PDE1C: variants seen among roughly 807,000 people sequenced by gnomAD.
PDE1C encodes dual specificity calcium/calmodulin-dependent 3',5'-cyclic nucleotide phosphodiesterase 1C.
In PDE1C, 62 loss-of-function variants were observed where a neutral mutation model predicts 93.1. The observed-to-expected ratio is 0.67, with a 90% CI of 0.54 to 0.82. The LOEUF (loss-of-function observed/expected upper bound fraction) is 0.82. Among genes scored for constraint, PDE1C ranks in the 40% least tolerant of loss-of-function variants. The probability of loss-of-function intolerance (pLI) is 0.00; values close to 1 mark genes in which losing one functional copy is unlikely to be tolerated. For missense variants in PDE1C, 742 were observed against 884.6 expected (o/e 0.84, Z 2.04); for synonymous variants, 325 against 310.1 (o/e 1.05, Z -0.50).
At chr7:32,135,011 C>T (rs914050822) in intron 3 of PDE1C, among the ~76,000 whole-genome samples, 11 of 152,096 alleles carry the variant, frequency 7.2e-5, no homozygotes, top group Non-Finnish European at 1.3e-4. Flanking sequence ...TAAGATTTGA[C>T]AGCATGGGAA....
At chr7:31,739,633 A>C in the PDE1C span, among the ~76,000 whole-genome samples, 1 of 152,290 alleles carries the variant, frequency 6.6e-6, no homozygotes, top group South Asian at 2.1e-4. Flanking sequence ...CTACAGAATA[A>C]GTTCAATAAT....
chr7:31,986,388 C>T (rs1783398695), intron 2 of PDE1C, among the ~76,000 whole-genome samples: 1 of 152,140 alleles, frequency 6.6e-6, no homozygotes, highest in Non-Finnish European at 1.5e-5. Context: ...CTCATGTTGA[C>T]TAGTTATATC....
chr7:31,891,583 C>T (rs927309461), intron 2 of PDE1C, among the ~76,000 whole-genome samples: 1 of 151,910 alleles, frequency 6.6e-6, no homozygotes, highest in African/African-American at 2.4e-5. Context: ...AAAGCCAATC[C>T]CAAAAGGTTA....
intron 2 of PDE1C, among the ~76,000 whole-genome samples, chr7:32,043,335 C>G (rs1399278611): frequency 6.6e-6 from 1 of 152,164 alleles, no homozygotes; most frequent in African/African-American, 2.4e-5. Context: ...AATTGTGCCT[C>G]TTAGCATTGA....
chr7:32,147,264 GA>G (rs1439376678), intron 3 of PDE1C, among the ~76,000 whole-genome samples: 1 of 71,062 alleles, frequency 1.4e-5, no homozygotes, highest in Non-Finnish European at 2.8e-5. Context: ...AAGAAAGAAA[GA>G]AAGAAAAAAA....
intron 1 of PDE1C, among the ~76,000 whole-genome samples, chr7:32,343,887 C>T (rs1020454536): frequency 2.6e-5 from 4 of 152,094 alleles, no homozygotes; most frequent in African/African-American, 4.8e-5. Context: ...CTTTTATTAT[C>T]CACACAGTAT....
intron 1 of PDE1C, among the ~76,000 whole-genome samples, chr7:32,418,458 G>A (rs1785320947): frequency 6.6e-6 from 1 of 152,086 alleles, no homozygotes. Flanking sequence ...CTCAATAAAT[G>A]TTAACGTCTA....
intron 2 of PDE1C, among the ~76,000 whole-genome samples, chr7:32,046,195 A>G (rs1340943987): frequency 6.7e-6 from 1 of 148,608 alleles, no homozygotes; most frequent in African/African-American, 2.6e-5. Flanking sequence ...AATATTTTTG[A>G]GCCATTTGCC....
the PDE1C span, among the ~76,000 whole-genome samples, chr7:31,636,605 G>A: frequency 5.3e-5 from 8 of 152,136 alleles, no homozygotes; most frequent in Admixed American, 5.2e-4. Context: ...TAGTCTGGGA[G>A]TGGGAGTGAG....
At chr7:31,639,860 GCT>G in the PDE1C span, among the ~76,000 whole-genome samples, 1 of 152,062 alleles carries the variant, frequency 6.6e-6, no homozygotes, top group Non-Finnish European at 1.5e-5. Flanking sequence ...ATGTTTTAAT[GCT>G]CTTTCTTAAT....
intron 2 of PDE1C, among the ~76,000 whole-genome samples, chr7:31,932,873 T>G (rs564353563): frequency 6.6e-6 from 1 of 152,278 alleles, no homozygotes; most frequent in Admixed American, 6.5e-5. Context: ...CACCATGGAA[T>G]ACTATGCAGC....
At chr7:31,686,404 A>T in the PDE1C span, among the ~76,000 whole-genome samples, 1 of 152,164 alleles carries the variant, frequency 6.6e-6, no homozygotes, top group Non-Finnish European at 1.5e-5. Context: ...GTGCCTACGT[A>T]TTCCTAATAT....
chr7:32,256,960 C>T (rs1396154128), intron 1 of PDE1C, among the ~76,000 whole-genome samples: 3 of 152,126 alleles, frequency 2.0e-5, no homozygotes, highest in Non-Finnish European at 4.4e-5. Flanking sequence ...AGGTTGATCC[C>T]GGGGAAGCAG....
intron 14 of PDE1C, among the ~76,000 whole-genome samples, chr7:31,817,462 G>A (rs1788410465): frequency 6.6e-6 from 1 of 152,110 alleles, no homozygotes. Flanking sequence ...GGCTTTGGAG[G>A]CAATGAGGTG....
At chr7:31,632,011 T>C in the PDE1C span, among the ~76,000 whole-genome samples, 4 of 152,176 alleles carry the variant, frequency 2.6e-5, no homozygotes, top group Non-Finnish European at 5.9e-5. Flanking sequence ...CTGTTAGGAA[T>C]GAAGGCTTCC....
intron 1 of PDE1C, among the ~76,000 whole-genome samples, chr7:32,362,313 G>A (rs1280096893): frequency 1.3e-5 from 2 of 151,994 alleles, no homozygotes; most frequent in Non-Finnish European, 2.9e-5. Context: ...CTTTCTTCAG[G>A]GGGTGTCCTA....
rs868655620 is a variant in PDE1C, at chr7:32,327,789, A to G, written c.310+100033T>C. ...TGTCTCAAAAAAAAAAAAAAAAAAA[A>G]AGAGAATCATGTAGTGTGGCTTCTT... On this transcript the variant is annotated intron_variant, in intron 1 of 1. Transcript: ENST00000672256. 4.4e-4 allele frequency among the ~76,000 whole-genome samples: 58 copies of G among 132,322 alleles called. 1 individual carries two copies. Among genetic ancestry groups the G allele is most frequent in the East Asian group, 1.9e-3 (8 of 4,240 alleles). 86.8% of individuals were successfully genotyped at this position (132,322 alleles called of 152,430 possible). A position where few individuals can be genotyped will look rare whatever the true frequency, so the allele number is the denominator to read the frequency against.
At chr7:32,391,583 A>G (rs188752505) in intron 1 of PDE1C, among the ~76,000 whole-genome samples, 266 of 152,342 alleles carry the variant, frequency 1.7e-3, no homozygotes, top group African/African-American at 6.2e-3. Flanking sequence ...AAGGCAGACT[A>G]CATGCTAGGG....
intron 2 of PDE1C, among the ~76,000 whole-genome samples, chr7:31,952,439 A>G (rs2008842): frequency 1 from 151,757 of 152,230 alleles, 75,644 homozygotes; most frequent in East Asian, 1. Flanking sequence ...TAGTAGAGAC[A>G]GGATTTCACC....
Sources: gnomAD v4.1 joint callset for allele counts (sites outside exome capture counted in the v4.1 genomes callset) on GRCh38, gnomAD v4.1.1 for gene constraint, MANE v1.5 for transcripts, NCBI Gene and HGNC (gene_info 2026-07-23, HGNC 2026-07-21) for gene names.